NEK1: variants seen among roughly 807,000 people sequenced by gnomAD.
The protein encoded by NEK1 is NIMA related kinase 1, also known as serine/threonine-protein kinase Nek1.
NEK1 carries 137 observed loss-of-function variants against 182.1 expected under a neutral mutation model. The ratio of observed to expected loss-of-function variants is 0.75; its 90% CI spans 0.65 to 0.87. The LOEUF (loss-of-function observed/expected upper bound fraction) is 0.87. Among genes scored for constraint, NEK1 ranks in the 40% least tolerant of loss-of-function variants. NEK1 has a pLI of 0.00. For synonymous variants in NEK1, 513 were observed against 492.2 expected, an observed-to-expected ratio of 1.04 and a Z score of -0.56; for missense variants, 1,391 against 1,494.4, an observed-to-expected ratio of 0.93 and a Z score of 1.14.
intron 18 of NEK1, among the ~76,000 whole-genome samples, chr4:169,538,157 A>T (rs1758807321): frequency 6.6e-6 from 1 of 152,088 alleles, no homozygotes; most frequent in South Asian, 2.1e-4. Flanking sequence ...TTTCTTTTAT[A>T]TTTATTTGAT....
intron 19 of NEK1, among the ~76,000 whole-genome samples, chr4:169,525,330 T>C (rs1040437212): frequency 7.2e-5 from 11 of 152,136 alleles, no homozygotes; most frequent in African/African-American, 2.7e-4. Flanking sequence ...GGTTTTATCA[T>C]GTTTGGCCAG....
chr4:169,439,845 CT>C (rs33985502), intron 27 of NEK1, among the ~76,000 whole-genome samples: 314 of 116,392 alleles, frequency 2.7e-3, no homozygotes, highest in Middle Eastern at 0.014. Flanking sequence ...GTTAGGGTAT[CT>C]TTTTTTTTTT....
At chr4:169,475,990 CAGA>C (rs1215884572) in intron 26 of NEK1, among the ~76,000 whole-genome samples, 3 of 151,982 alleles carry the variant, frequency 2.0e-5, no homozygotes, top group Admixed American at 1.3e-4. Context: ...CCCTAAAGGA[CAGA>C]AGAAGGAGGA....
intron 19 of NEK1, among the ~76,000 whole-genome samples, chr4:169,531,171 A>G (rs1757618499): frequency 6.6e-6 from 1 of 152,074 alleles, no homozygotes; most frequent in Non-Finnish European, 1.5e-5. Flanking sequence ...ATCGTGGAAG[A>G]AGGAAATTTT....
chr4:169,488,844 G>A (rs1749527934), intron 23 of NEK1, among the ~76,000 whole-genome samples: 1 of 152,020 alleles, frequency 6.6e-6, no homozygotes, highest in South Asian at 2.1e-4. Context: ...TGAAATAATA[G>A]TTAAATAACT....
intron 26 of NEK1, among the ~76,000 whole-genome samples, chr4:169,466,015 T>C (rs1487928928): frequency 6.6e-6 from 1 of 152,032 alleles, no homozygotes; most frequent in Non-Finnish European, 1.5e-5. Context: ...AAAAAATCAA[T>C]GAATCCAATC....
intron 2 of NEK1, among the ~76,000 whole-genome samples, chr4:169,608,872 A>T (rs186470247): frequency 2.0e-5 from 3 of 152,170 alleles, no homozygotes; most frequent in Non-Finnish European, 4.4e-5. Flanking sequence ...CAGGCTGACC[A>T]ACATGGTAAG....
At chr4:169,570,090 C>T (rs1469599119) in intron 12 of NEK1, among the ~76,000 whole-genome samples, 1 of 151,236 alleles carries the variant, frequency 6.6e-6, no homozygotes, top group African/African-American at 2.4e-5. Flanking sequence ...AAGTGAGGAG[C>T]GTCTCTGCCT....
chr4:169,420,863 A>G (rs1735370799), intron 31 of NEK1, among the ~76,000 whole-genome samples: 1 of 152,212 alleles, frequency 6.6e-6, no homozygotes, highest in Non-Finnish European at 1.5e-5. Flanking sequence ...ACCCAATCAT[A>G]TGGTTGTGAT....
intron 26 of NEK1, among the ~76,000 whole-genome samples, chr4:169,471,069 A>G (rs1370293658): frequency 6.6e-6 from 1 of 151,956 alleles, no homozygotes; most frequent in Non-Finnish European, 1.5e-5. Flanking sequence ...GTTAAAACAC[A>G]CTCCTTTAGC....
chr4:169,488,263 C>T (rs745608614), intron 23 of NEK1, among the ~76,000 whole-genome samples: 6 of 151,998 alleles, frequency 3.9e-5, no homozygotes, highest in African/African-American at 9.7e-5. Flanking sequence ...GTGTCCTGAA[C>T]GATACTGCCT....
intron 31 of NEK1, among the ~76,000 whole-genome samples, 198 bp from the exon 32 acceptor site, chr4:169,406,945 T>C (rs1295183278): frequency 6.6e-6 from 1 of 151,904 alleles, no homozygotes; most frequent in East Asian, 1.9e-4. Flanking sequence ...GATCCAAAGG[T>C]GACTTGCATA....
intron 27 of NEK1, among the ~76,000 whole-genome samples, chr4:169,450,123 TAGAGAAAAA>T (rs1355977746): frequency 6.6e-6 from 1 of 151,894 alleles, no homozygotes; most frequent in Non-Finnish European, 1.5e-5. Flanking sequence ...AAGAGAAGTT[TAGAGAAAAA>T]AGAGTAAAAA....
At chr4:169,529,816 T>C (rs1757407424) in intron 19 of NEK1, among the ~76,000 whole-genome samples, 1 of 152,164 alleles carries the variant, frequency 6.6e-6, no homozygotes. Flanking sequence ...TCAACATCAT[T>C]AACATTTAGA....
At chr4:169,544,115 T>C (rs1213789302) in intron 18 of NEK1, among the ~76,000 whole-genome samples, 3 of 152,342 alleles carry the variant, frequency 2.0e-5, no homozygotes, top group South Asian at 2.1e-4. Flanking sequence ...GGCTGTGGGT[T>C]TGTCATAAAT....
intron 27 of NEK1, among the ~76,000 whole-genome samples, chr4:169,461,376 T>G (rs1743946134): frequency 6.6e-6 from 1 of 152,182 alleles, no homozygotes; most frequent in Non-Finnish European, 1.5e-5. Flanking sequence ...ATATTGTCAT[T>G]AATAAAACCG....
chr4:169,401,216 C>G (rs1220208472), intron 33 of NEK1, among the ~76,000 whole-genome samples: 1 of 152,140 alleles, frequency 6.6e-6, no homozygotes, highest in African/African-American at 2.4e-5. Flanking sequence ...GACACACTTT[C>G]TATGCATCTT....
chr4:169,535,058 G>A (rs902691600), intron 19 of NEK1, among the ~76,000 whole-genome samples: 7 of 152,144 alleles, frequency 4.6e-5, no homozygotes, highest in South Asian at 2.1e-4. Flanking sequence ...AGTGGTTCAC[G>A]TCTGTAATCT....
intron 23 of NEK1, among the ~76,000 whole-genome samples, chr4:169,500,916 G>A (rs925402907): frequency 2.0e-5 from 3 of 152,122 alleles, no homozygotes; most frequent in Admixed American, 6.5e-5. Context: ...CAGTATTAAC[G>A]CTGAACATAA....
Sources: allele counts gnomAD v4.1 joint callset (sites outside exome capture counted in the v4.1 genomes callset), GRCh38; gene constraint gnomAD v4.1.1; transcripts MANE v1.5; gene names NCBI Gene and HGNC (gene_info 2026-07-23, HGNC 2026-07-21).